Variants in TCF4 observed in about 807,000 individuals in gnomAD.
TCF4 encodes the protein transcription factor 4, also known as SL3-3 enhancer factor 2.
Under a neutral mutation model 82.1 loss-of-function variants are expected in TCF4, and 3 were observed. The observed-to-expected ratio is 0.04, with a 90% CI of 0.02 to 0.09. The LOEUF (loss-of-function observed/expected upper bound fraction) is 0.09, where lower values mean the gene tolerates loss of function less well. Among genes scored for constraint, TCF4 ranks in the 10% least tolerant of loss-of-function variants. The pLI is 1.00. For synonymous variants in TCF4, 276 were observed against 309.6 expected (o/e 0.89, Z 1.14); for missense variants, 518 against 852.7 (o/e 0.61, Z 4.89).
At chr18:55,244,979 C>T (rs1406064617) in intron 15 of TCF4, among the ~76,000 whole-genome samples, 2 of 152,154 alleles carry the variant, frequency 1.3e-5, no homozygotes, top group Admixed American at 1.3e-4. Flanking sequence ...GACAATGCTT[C>T]CCTAAAGATG....
chr18:55,582,712 T>C (rs552636765), intron 3 of TCF4, among the ~76,000 whole-genome samples: 1 of 152,282 alleles, frequency 6.6e-6, no homozygotes, highest in South Asian at 2.1e-4. Context: ...TTGGGAACTT[T>C]AAGCATGAAT....
At chr18:55,322,409 G>C in intron 8 of TCF4, 1 of 982,654 alleles carries the variant, frequency 1.0e-6, no homozygotes, top group Admixed American at 6.3e-5. Context: ...AGAAAGGGGA[G>C]GGAAAGGGGA....
In TCF4 at chr18:55,369,707, A is replaced by T. The variant is rs1384975186; in HGVS notation, c.370-18704T>A. Among the ~76,000 whole-genome samples, 17 of 151,788 alleles carry T rather than the reference A, an allele frequency of 1.1e-4. No homozygotes were observed. The East Asian group carries it at 3.1e-3, about 28-fold the overall frequency. On this transcript the variant is annotated intron_variant, in intron 6 of 19. Transcript: ENST00000354452. ...CTAATTTTGGCATTAAGACAAAAAA[A>T]GTTGTTGGGGGGCGCAGATATCAGC... is the stretch of plus-strand genomic sequence containing the variant.
chr18:55,402,039 G>A (rs1027877462), intron 6 of TCF4: 45 of 985,474 alleles, frequency 4.6e-5, no homozygotes, highest in Non-Finnish European at 5.1e-5. Context: ...TATCTAGCCC[G>A]AACATTTGCA....
chr18:55,563,042 C>G (rs1367890621), intron 3 of TCF4, among the ~76,000 whole-genome samples: 1 of 151,992 alleles, frequency 6.6e-6, no homozygotes. Flanking sequence ...GAGTTACGGA[C>G]CAGCCTGGGC....
chr18:55,452,588 G>C (rs1384998659), intron 5 of TCF4: 5 of 152,658 alleles, frequency 3.3e-5, no homozygotes, highest in African/African-American at 1.2e-4. Flanking sequence ...CCACCCAGGG[G>C]ACTGGAGAAA....
chr18:55,567,765 T>C (rs2097422771), intron 3 of TCF4, among the ~76,000 whole-genome samples: 1 of 150,958 alleles, frequency 6.6e-6, no homozygotes, highest in Admixed American at 6.6e-5. Flanking sequence ...CACATATAGA[T>C]CCCTGAATTC....
chr18:55,573,734 A>T (rs534161767), intron 3 of TCF4, among the ~76,000 whole-genome samples: 2 of 151,462 alleles, frequency 1.3e-5, no homozygotes, highest in South Asian at 4.2e-4. Flanking sequence ...CCTATTGCAA[A>T]CTCTTCTCAG....
At chr18:55,238,938 C>T (rs11660565) in intron 15 of TCF4, among the ~76,000 whole-genome samples, 37,881 of 152,010 alleles carry the variant, frequency 0.25, 4,844 homozygotes, top group East Asian at 0.32. Context: ...GGCATTTTCC[C>T]GGTCCAGAGA....
chr18:55,328,015 T>C (rs542145568), intron 8 of TCF4, among the ~76,000 whole-genome samples: 56 of 152,260 alleles, frequency 3.7e-4, no homozygotes, highest in Middle Eastern at 3.4e-3. Flanking sequence ...AAACCAGAGA[T>C]ACAAAATGGC....
At chr18:55,279,698 C>T (rs189869970) in intron 8 of TCF4, 42 bp from the exon 9 acceptor site, 13 of 1,612,664 alleles carry the variant, frequency 8.1e-6, no homozygotes, top group Middle Eastern at 1.7e-4. Flanking sequence ...TTTGCATTGA[C>T]CACAGCAGCC....
intron 8 of TCF4, among the ~76,000 whole-genome samples, chr18:55,319,554 T>G (rs949700084): frequency 6.6e-6 from 1 of 152,172 alleles, no homozygotes; most frequent in Admixed American, 6.5e-5. Context: ...AATTTGCCTC[T>G]TTCTAGTGTT....
At position 55,464,412 on chromosome 18, in the gene TCF4, T is replaced by A. The variant is rs140065907; in HGVS notation, c.146-275A>T. Among the ~76,000 whole-genome samples, 430 of 152,326 alleles carry A rather than the reference T, an allele frequency of 2.8e-3. No individual in the cohort carries two copies. The highest frequency in any genetic ancestry group is 9.5e-3 in the African/African-American group (396 of 41,574). ...GTTTGATAGCCTCAGTCTTTATAGA[T>A]GTGAAACTGTACTTAAAGTTTTATT... On this transcript the variant is annotated intron_variant, in intron 3 of 19. Transcript: ENST00000354452.
At position 55,403,528 on chromosome 18, in the gene TCF4, G is replaced by A; in HGVS notation, c.305-10C>T. The A allele has an allele frequency of 1.9e-6, 3 of 1,613,726 alleles. No individual in the cohort carries two copies. Among genetic ancestry groups the A allele is most frequent in the Non-Finnish European group, 2.5e-6 (3 of 1,179,808 alleles). On this transcript the variant is annotated splice_polypyrimidine_tract_variant and intron_variant, in intron 5 of 19. Transcript: ENST00000354452. ...CCCCTTTCTGTTTTACCTGCCAAGA[G>A]AAACGACAAAAAAGTGTAAATTGTG...
chr18:55,252,693 C>T (rs2055594679), intron 15 of TCF4, among the ~76,000 whole-genome samples: 1 of 152,144 alleles, frequency 6.6e-6, no homozygotes, highest in African/African-American at 2.4e-5. Context: ...AAGCAATGCC[C>T]TGGGTGCATG....
intron 2 of TCF4, among the ~76,000 whole-genome samples, chr18:55,606,057 A>G (rs2097701906): frequency 6.6e-6 from 1 of 152,194 alleles, no homozygotes. Context: ...ATGAATGCTC[A>G]AGTTTGAAAA....
chr18:55,364,785 A>T (rs569237624), intron 6 of TCF4, among the ~76,000 whole-genome samples: 57 of 152,278 alleles, frequency 3.7e-4, no homozygotes, highest in Middle Eastern at 6.8e-3. Context: ...CACTTGACTG[A>T]TTTTTAAAAA....
intron 14 of TCF4, among the ~76,000 whole-genome samples, chr18:55,255,542 T>TGTATGTATTCATTTTAAAG (rs1380563387): frequency 6.6e-6 from 1 of 152,136 alleles, no homozygotes; most frequent in Non-Finnish European, 1.5e-5. Flanking sequence ...GTGAAGAAAA[T>TGTATGTATTCATTTTAAAG]GTATGTATTC....
chr18:55,312,563 A>G (rs1013630145), intron 8 of TCF4, among the ~76,000 whole-genome samples: 1 of 152,280 alleles, frequency 6.6e-6, no homozygotes. Context: ...AGAGGTTAGG[A>G]TATCATAATG....
Sources: gnomAD v4.1 joint callset for allele counts (sites outside exome capture counted in the v4.1 genomes callset) on GRCh38, gnomAD v4.1.1 for gene constraint, MANE v1.5 for transcripts, NCBI Gene and HGNC (gene_info 2026-07-23, HGNC 2026-07-21) for gene names.